The following SCML4 variants were observed in gnomAD, a reference collection of about 807,000 sequenced individuals.
SCML4 encodes the protein sex comb on midleg-like protein 4.
A neutral mutation model predicts 41.1 loss-of-function variants in SCML4; 34 were observed. That is an observed-to-expected ratio of 0.83 (90% CI 0.63 to 1.10). The LOEUF is 1.10. SCML4 is among the 50% of genes least tolerant of loss of function. SCML4 has a pLI of 0.00. For missense variants in SCML4, 522 were observed against 534.1 expected, an observed-to-expected ratio of 0.98 and a Z score of 0.22; for synonymous variants, 214 against 220.9, an observed-to-expected ratio of 0.97 and a Z score of 0.28.
At chr6:107,809,847 CCTCT>C (rs367761638) in intron 1 of SCML4, among the ~76,000 whole-genome samples, 3 of 150,998 alleles carry the variant, frequency 2.0e-5, no homozygotes, top group East Asian at 1.9e-4. Flanking sequence ...TAATTATGCA[CCTCT>C]CTCTCTCTCT....
intron 2 of SCML4, among the ~76,000 whole-genome samples, chr6:107,758,363 G>A (rs564492496): frequency 3.0e-4 from 46 of 152,318 alleles, no homozygotes; most frequent in South Asian, 2.1e-3. Flanking sequence ...GGAACTGTGG[G>A]CAAGAGTCAG....
At chr6:107,720,516 CT>C in intron 6 of SCML4, 186 bp downstream of exon 6, 1 of 1,377,068 alleles carries the variant, frequency 7.3e-7, no homozygotes, top group Non-Finnish European at 9.4e-7. Context: ...ATTTTCTTTG[CT>C]TATCAAAGGT....
intron 7 of SCML4, 84 bp from the exon 8 acceptor site, chr6:107,705,409 G>C (rs1773509973): frequency 7.6e-7 from 1 of 1,324,394 alleles, no homozygotes; most frequent in Non-Finnish European, 1.0e-6. Flanking sequence ...GTGTGGTCAA[G>C]GGGTGTGCTC....
chr6:107,733,939 G>A (rs2049660), intron 5 of SCML4, among the ~76,000 whole-genome samples: 4,116 of 152,160 alleles, frequency 0.027, 124 homozygotes, highest in East Asian at 0.075. Context: ...GGAGACCCCC[G>A]GCCATCTGGC....
At position 107,720,979 on chromosome 6, in the gene SCML4, TG is replaced by T. The variant is rs1306557265; in HGVS notation, c.696del (p.Thr233ProfsTer6). 1 of 1,610,640 alleles carries T rather than the reference TG, an allele frequency of 6.2e-7. No homozygotes were observed. The stretch of plus-strand genomic sequence containing the variant: ...ACAGGGTTCACCAGGTACTCTTCGG[TG>T]GTGACTGTCTTGACTAAGCAATAAG... ...EGRMESVKTV[T>X]TEEYLVNPVG... On this transcript the variant is annotated frameshift_variant, in exon 6 of 8. Transcript: ENST00000369020. LOFTEE classifies it high-confidence loss of function.
At chr6:107,805,198 G>A (rs1290210358) in intron 1 of SCML4, among the ~76,000 whole-genome samples, 2 of 152,092 alleles carry the variant, frequency 1.3e-5, no homozygotes, top group Non-Finnish European at 2.9e-5. Context: ...GTCAAGGGTG[G>A]TGCCATCAAA....
At chr6:107,739,106 G>A (rs531164470) in intron 5 of SCML4, among the ~76,000 whole-genome samples, 12 of 152,270 alleles carry the variant, frequency 7.9e-5, no homozygotes, top group African/African-American at 2.9e-4. Context: ...CTGGGAGAGT[G>A]TTCCTTAAAT....
intron 1 of SCML4, among the ~76,000 whole-genome samples, chr6:107,804,826 C>T (rs1783600444): frequency 6.6e-6 from 1 of 152,098 alleles, no homozygotes; most frequent in Non-Finnish European, 1.5e-5. Flanking sequence ...AAAAATTAGC[C>T]AGGCGTGATG....
chr6:107,823,345 C>T (rs1471604319), intron 1 of SCML4, among the ~76,000 whole-genome samples: 1 of 152,176 alleles, frequency 6.6e-6, no homozygotes, highest in African/African-American at 2.4e-5. Context: ...TGGCCTCATC[C>T]ACCGCTCCTG....
intron 1 of SCML4, among the ~76,000 whole-genome samples, chr6:107,814,349 CCA>C (rs982907682): frequency 1.3e-5 from 2 of 152,094 alleles, no homozygotes; most frequent in African/African-American, 4.8e-5. Context: ...AATTTGAGAC[CCA>C]GTTATACCAC....
intron 5 of SCML4, among the ~76,000 whole-genome samples, chr6:107,734,802 G>A (rs1001150151): frequency 6.6e-6 from 1 of 152,150 alleles, no homozygotes; most frequent in African/African-American, 2.4e-5. Flanking sequence ...CTAAGTGTCA[G>A]GAAAAATATG....
chr6:107,780,208 A>G (rs960731428), intron 1 of SCML4, among the ~76,000 whole-genome samples: 1 of 152,152 alleles, frequency 6.6e-6, no homozygotes, highest in African/African-American at 2.4e-5. Flanking sequence ...ATATAATAGA[A>G]TGCCTTTGAT....
intron 1 of SCML4, among the ~76,000 whole-genome samples, chr6:107,784,733 C>T (rs1397180649): frequency 6.6e-6 from 1 of 152,230 alleles, no homozygotes; most frequent in Admixed American, 6.5e-5. Flanking sequence ...CAGCCAGGGC[C>T]AGCTGCCCTA....
chr6:107,749,885 G>T, intron 2 of SCML4, 72 bp from the exon 3 acceptor site: 1 of 1,527,972 alleles, frequency 6.5e-7, no homozygotes, highest in Non-Finnish European at 9.0e-7. Context: ...TTCTGTCCTA[G>T]ACGGCAGTTA....
intron 5 of SCML4, among the ~76,000 whole-genome samples, chr6:107,735,775 G>T (rs969019006): frequency 6.9e-6 from 1 of 145,310 alleles, no homozygotes; most frequent in East Asian, 2.0e-4. Context: ...CTCCAGCCTA[G>T]ATGATGGAGC....
rs114585374 is a variant in SCML4, at chr6:107,788,782, G to A, written c.-59-16396C>T. On this transcript the variant is annotated intron_variant, in intron 1 of 7. Transcript: ENST00000369020. ...ATTGTATGTACAGTCACTACACACC[G>A]GTTTATTCTCCCCTCTTATTTCACA... Among the ~76,000 whole-genome samples, 1,347 of 152,160 alleles carry A rather than the reference G, an allele frequency of 8.9e-3. 22 individuals are homozygous for A. The highest frequency in any genetic ancestry group is 0.031 in the African/African-American group (1,305 of 41,492).
intron 6 of SCML4, among the ~76,000 whole-genome samples, chr6:107,712,155 G>A (rs1021117760): frequency 3.3e-5 from 5 of 152,284 alleles, no homozygotes; most frequent in East Asian, 1.9e-4. Context: ...GAGGAATCAC[G>A]GAAATCACAT....
the SCML4 span, among the ~76,000 whole-genome samples, chr6:107,841,852 C>T: frequency 2.6e-5 from 4 of 152,206 alleles, no homozygotes; most frequent in African/African-American, 9.6e-5. Context: ...CCACTATTTG[C>T]ATTCACTGAT....
chr6:107,769,109 C>T lies in SCML4; in HGVS notation c.156+3063G>A, dbSNP rs184670921. On this transcript the variant is annotated intron_variant, in intron 2 of 7. Transcript: ENST00000369020. ...GTTTGATCATGAACAAGGCTATCTT[C>T]ATGGTAGTCAGAGTGTGGCTCTTCA... Among the ~76,000 whole-genome samples, 25 of 152,326 alleles carry T rather than the reference C, an allele frequency of 1.6e-4. No individual in the cohort carries two copies. In the East Asian group the frequency reaches 4.6e-3, roughly 28 times the overall value.
Sources: allele counts gnomAD v4.1 joint callset (sites outside exome capture counted in the v4.1 genomes callset), GRCh38; gene constraint gnomAD v4.1.1; transcripts MANE v1.5; gene names NCBI Gene and HGNC (gene_info 2026-07-23, HGNC 2026-07-21).